The following LARGE1 variants were observed in gnomAD, a reference collection of about 807,000 sequenced individuals.
LARGE1 encodes xylosyl- and glucuronyltransferase LARGE1.
A neutral mutation model predicts 87.6 loss-of-function variants in LARGE1; 43 were observed. The observed-to-expected ratio is 0.49, with a 90% confidence interval of 0.38 to 0.63. LARGE1 has a LOEUF of 0.63. LARGE1 is among the 30% of genes least tolerant of loss of function. LARGE1 has a pLI of 0.00. For missense variants in LARGE1, 802 were observed against 1,000.2 expected (o/e 0.80, Z 2.67); for synonymous variants, 434 against 394.6 (o/e 1.10, Z -1.18).
At chr22:33,376,901 C>T (rs2065011452) in intron 9 of LARGE1, among the ~76,000 whole-genome samples, 1 of 152,124 alleles carries the variant, frequency 6.6e-6, no homozygotes, top group Non-Finnish European at 1.5e-5. Flanking sequence ...GAGGAGCACC[C>T]CACTTAAACT....
At chr22:33,749,785 T>C (rs1396346792) in intron 2 of LARGE1, among the ~76,000 whole-genome samples, 3 of 152,200 alleles carry the variant, frequency 2.0e-5, no homozygotes, top group Non-Finnish European at 2.9e-5. Flanking sequence ...TTGTCCAAGA[T>C]ACCCCATTTT....
intron 12 of LARGE1, among the ~76,000 whole-genome samples, chr22:33,286,789 A>G (rs1931624395): frequency 1.3e-5 from 2 of 152,222 alleles, no homozygotes; most frequent in African/African-American, 4.8e-5. Flanking sequence ...GTATCTATAT[A>G]AGGATCAAGT....
intron 7 of LARGE1, among the ~76,000 whole-genome samples, chr22:33,427,078 C>A (rs2066905780): frequency 6.6e-6 from 1 of 152,194 alleles, no homozygotes; most frequent in South Asian, 2.1e-4. Flanking sequence ...AGCTTAGGAA[C>A]TGAAGAGAGC....
intron 11 of LARGE1, among the ~76,000 whole-genome samples, chr22:33,188,329 A>C (rs1310807171): frequency 6.6e-6 from 1 of 152,110 alleles, no homozygotes; most frequent in Non-Finnish European, 1.5e-5. Context: ...GCTGAGGCCC[A>C]ATCTGCTCAT....
At chr22:33,570,164 G>C (rs1379505043) in intron 5 of LARGE1, among the ~76,000 whole-genome samples, 1 of 152,136 alleles carries the variant, frequency 6.6e-6, no homozygotes, top group Non-Finnish European at 1.5e-5. Context: ...GGCCTACAAT[G>C]TTATAGTATT....
intron 2 of LARGE1, among the ~76,000 whole-genome samples, chr22:33,651,897 C>T (rs1213788406): frequency 2.6e-5 from 4 of 152,256 alleles, no homozygotes; most frequent in East Asian, 1.9e-4. Context: ...GGCACGGCCG[C>T]GTGTGGTGGC....
chr22:33,531,232 A>T (rs1398576770), intron 6 of LARGE1, among the ~76,000 whole-genome samples: 1 of 152,080 alleles, frequency 6.6e-6, no homozygotes, highest in Non-Finnish European at 1.5e-5. Flanking sequence ...ATCTCGGCTC[A>T]CTGCAACCTC....
chr22:33,826,795 G>C (rs1039392043), intron 1 of LARGE1, among the ~76,000 whole-genome samples: 1 of 152,048 alleles, frequency 6.6e-6, no homozygotes, highest in African/African-American at 2.4e-5. Flanking sequence ...AGGAATTGGA[G>C]CCTGTTATCA....
the LARGE1 span, among the ~76,000 whole-genome samples, chr22:33,145,410 A>G: frequency 0.039 from 5,932 of 152,012 alleles, 388 homozygotes; most frequent in African/African-American, 0.14. Flanking sequence ...CTCCTGCACC[A>G]CCCTCGTGTA....
At chr22:33,198,152 G>A (rs1924175205) in intron 11 of LARGE1, among the ~76,000 whole-genome samples, 1 of 152,000 alleles carries the variant, frequency 6.6e-6, no homozygotes, top group Non-Finnish European at 1.5e-5. Context: ...GTGGGTGGGG[G>A]GAACAGGAGA....
intron 2 of LARGE1, among the ~76,000 whole-genome samples, chr22:33,676,372 CAAAAAAAAAAAAA>C (rs10567981): frequency 2.4e-3 from 39 of 16,302 alleles, no homozygotes; most frequent in Non-Finnish European, 4.7e-3. Context: ...GATTCAATGG[CAAAAAAAAAAAAA>C]AAAAAAAAAA....
intron 2 of LARGE1, among the ~76,000 whole-genome samples, chr22:33,721,047 T>C (rs901625422): frequency 4.6e-5 from 7 of 152,192 alleles, no homozygotes; most frequent in African/African-American, 1.4e-4. Context: ...CCAAATCCTC[T>C]TGATGGAAAA....
In LARGE1 at chr22:33,709,270, G is replaced by A. The variant is rs367890192; in HGVS notation, c.106+52101C>T. Reference sequence around the variant, plus strand: ...GCAGCAGAGCCAGGTTTAAAATCCAGACCTCCAAGACCCTGAAAACACGAT... The same window carrying A: ...GCAGCAGAGCCAGGTTTAAAATCCAAACCTCCAAGACCCTGAAAACACGAT... On this transcript the variant is annotated intron_variant, in intron 2 of 14. Transcript: ENST00000397394. 3.9e-5 allele frequency among the ~76,000 whole-genome samples: 6 copies of A among 152,232 alleles called. 1 individual carries two copies. In the East Asian group the frequency reaches 9.7e-4, roughly 25 times the overall value.
rs9619372 is a variant in LARGE1 at position 33,736,197 on chromosome 22, A to C, written c.106+25174T>G. ...GGGCCACATGTCAACTCCACATTTC[A>C]CTTTTTTTGGAATCACCCAACTGTT... On this transcript the variant is annotated intron_variant, in intron 2 of 14. Transcript: ENST00000397394. Among the ~76,000 whole-genome samples the C allele has an allele frequency of 3.9e-3, 599 of 152,136 alleles. 2 individuals are homozygous for C. Among genetic ancestry groups the C allele is most frequent in the Admixed American group, 8.0e-3 (123 of 15,284 alleles).
intron 6 of LARGE1, among the ~76,000 whole-genome samples, chr22:33,525,700 C>A (rs2071856218): frequency 6.6e-6 from 1 of 152,050 alleles, no homozygotes; most frequent in Non-Finnish European, 1.5e-5. Context: ...CTCAGAGAGG[C>A]TACGGGGACG....
At chr22:33,246,086 C>G (rs1926743712) in intron 11 of LARGE1, among the ~76,000 whole-genome samples, 1 of 152,146 alleles carries the variant, frequency 6.6e-6, no homozygotes, top group South Asian at 2.1e-4. Flanking sequence ...TAGAAATGCA[C>G]CATTTTAAAA....
At chr22:33,829,903 C>G (rs1007049484) in intron 1 of LARGE1, among the ~76,000 whole-genome samples, 1 of 152,178 alleles carries the variant, frequency 6.6e-6, no homozygotes, top group Non-Finnish European at 1.5e-5. Context: ...AAGAAGAAAC[C>G]ACCATTCCCT....
intron 11 of LARGE1, among the ~76,000 whole-genome samples, chr22:33,173,828 C>T (rs1284551657): frequency 1.8e-4 from 28 of 152,122 alleles, no homozygotes; most frequent in Admixed American, 1.8e-3. Flanking sequence ...CAAGAGCACC[C>T]AGATTCATAA....
At chr22:33,390,183 C>T (rs2065468122) in intron 7 of LARGE1, among the ~76,000 whole-genome samples, 3 of 152,192 alleles carry the variant, frequency 2.0e-5, no homozygotes, top group Non-Finnish European at 4.4e-5. Flanking sequence ...CTAAATATAC[C>T]ACTCTCTGTA....
Sources: allele counts gnomAD v4.1 joint callset (sites outside exome capture counted in the v4.1 genomes callset), GRCh38; gene constraint gnomAD v4.1.1; transcripts MANE v1.5; gene names NCBI Gene and HGNC (gene_info 2026-07-23, HGNC 2026-07-21).